Variants in DTNB observed in about 807,000 individuals in gnomAD.
DTNB encodes DTN-B.
DTNB carries 63 observed loss-of-function variants against 90.7 expected under a neutral mutation model. The ratio of observed to expected loss-of-function variants is 0.69; its 90% CI spans 0.57 to 0.86. DTNB has a LOEUF of 0.86. DTNB is among the 40% of genes least tolerant of loss of function. DTNB has a pLI of 0.00. For synonymous variants in DTNB, 277 were observed against 286.7 expected (o/e 0.97, Z 0.34); for missense variants, 744 against 807.1 (o/e 0.92, Z 0.95).
intron 8 of DTNB, among the ~76,000 whole-genome samples, chr2:25,545,615 G>A (rs1464319962): frequency 6.6e-6 from 1 of 152,174 alleles, no homozygotes; most frequent in Non-Finnish European, 1.5e-5. Flanking sequence ...TAGAAATGCT[G>A]CTACTGGGCC....
intron 1 of DTNB, among the ~76,000 whole-genome samples, chr2:25,664,722 TGAG>T (rs2084016215): frequency 1.3e-5 from 2 of 152,154 alleles, no homozygotes; most frequent in South Asian, 4.1e-4. Context: ...GTGCTGAGCT[TGAG>T]GAGATTTTCA....
chr2:25,635,079 G>GA (rs1277851688), intron 3 of DTNB, among the ~76,000 whole-genome samples: 376 of 140,242 alleles, frequency 2.7e-3, no homozygotes, highest in African/African-American at 8.6e-3. Flanking sequence ...AATAAAAAAA[G>GA]AAAAAAAAAA....
chr2:25,543,673 A>G (rs1341277525), intron 8 of DTNB, among the ~76,000 whole-genome samples: 2 of 152,202 alleles, frequency 1.3e-5, no homozygotes, highest in Non-Finnish European at 2.9e-5. Flanking sequence ...TTTACTGATT[A>G]GTAATATATT....
intron 9 of DTNB, among the ~76,000 whole-genome samples, chr2:25,516,442 G>T (rs1003799450): frequency 6.6e-6 from 1 of 151,844 alleles, no homozygotes; most frequent in Non-Finnish European, 1.5e-5. Flanking sequence ...AAGTAGAGAC[G>T]GGGTTTTGCC....
chr2:25,602,118 T>G (rs1217767082), intron 5 of DTNB, among the ~76,000 whole-genome samples: 2 of 151,118 alleles, frequency 1.3e-5, no homozygotes, highest in African/African-American at 4.9e-5. Context: ...CAAGACTCCA[T>G]CTCAAAAGAA....
chr2:25,384,838 G>C (rs1018947640), intron 18 of DTNB, among the ~76,000 whole-genome samples: 1 of 151,960 alleles, frequency 6.6e-6, no homozygotes, highest in Non-Finnish European at 1.5e-5. Flanking sequence ...TGGCGAGTTG[G>C]ATTAAATGAC....
chr2:25,394,446 T>C lies in DTNB; in HGVS notation c.1576-6085A>G, dbSNP rs531091185. 1.8e-4 allele frequency among the ~76,000 whole-genome samples: 28 copies of C among 151,690 alleles called. No homozygotes were observed. In the East Asian group the frequency reaches 5.2e-3, roughly 28 times the overall value. ...ACAGCAAAAGAAATAATCAGCAAAG[T>C]TAACAAACAACCCACAGAGTGGAAG... On this transcript the variant is annotated intron_variant, in intron 16 of 20. Transcript: ENST00000406818.
At chr2:25,487,220 T>C (rs549344027) in intron 9 of DTNB, among the ~76,000 whole-genome samples, 2 of 152,292 alleles carry the variant, frequency 1.3e-5, no homozygotes, top group East Asian at 1.9e-4. Context: ...ATGTAATGAG[T>C]GCAGCAATGA....
rs577478803 is a variant in DTNB, at chr2:25,566,411, T to A, written c.876+10427A>T. Among the ~76,000 whole-genome samples, 4 of 152,320 alleles carry A rather than the reference T, an allele frequency of 2.6e-5. No individual in the cohort carries two copies. In the South Asian group the frequency reaches 8.3e-4, roughly 32 times the overall value. On this transcript the variant is annotated intron_variant, in intron 8 of 20. Coordinates refer to ENST00000406818, the MANE Select transcript of DTNB (RefSeq NM_021907.5). ...ACACCTGGAGTAGACAGCCTGGACT[T>A]CTGACTTACAAAAACGGAGACAATA... is the stretch of plus-strand genomic sequence containing the variant.
At chr2:25,500,419 G>C (rs1272364969) in intron 9 of DTNB, among the ~76,000 whole-genome samples, 2 of 152,144 alleles carry the variant, frequency 1.3e-5, no homozygotes, top group Admixed American at 1.3e-4. Flanking sequence ...AGGCAGCAGC[G>C]CTCCTCATGC....
intron 8 of DTNB, among the ~76,000 whole-genome samples, chr2:25,567,010 G>C (rs189972696): frequency 1.7e-3 from 260 of 152,288 alleles, no homozygotes; most frequent in Non-Finnish European, 2.6e-3. Flanking sequence ...GCAGAGACAG[G>C]GGGCATGGCA....
chr2:25,670,896 C>G (rs2085695915), intron 1 of DTNB, among the ~76,000 whole-genome samples: 1 of 152,202 alleles, frequency 6.6e-6, no homozygotes, highest in Admixed American at 6.5e-5. Context: ...TGCCATCCCA[C>G]TCTGTCCCAC....
At chr2:25,571,359 T>C (rs779774567) in intron 8 of DTNB, among the ~76,000 whole-genome samples, 2 of 152,194 alleles carry the variant, frequency 1.3e-5, no homozygotes, top group Non-Finnish European at 2.9e-5. Flanking sequence ...GTTATTCTTC[T>C]ATTCAAAACC....
intron 9 of DTNB, among the ~76,000 whole-genome samples, chr2:25,525,590 C>T (rs1050679657): frequency 3.3e-4 from 50 of 151,462 alleles, no homozygotes; most frequent in Admixed American, 1.2e-3. Context: ...GAGCCAAGAT[C>T]GCTCCATTGC....
In DTNB at chr2:25,590,707, G is replaced by A. The variant is rs190619818; in HGVS notation, c.603+5379C>T. ...TAGGGCTTTTGTGGGTCTTAAAGGGGAGGAAGCGCATGCTGACAGGTTCAT... is the reference window on the plus strand; with the variant it reads ...TAGGGCTTTTGTGGGTCTTAAAGGGAAGGAAGCGCATGCTGACAGGTTCAT... On this transcript the variant is annotated intron_variant, in intron 6 of 20. Transcript: ENST00000406818. Among the ~76,000 whole-genome samples, 42 of 152,336 alleles carry A rather than the reference G, an allele frequency of 2.8e-4. 1 individual carries two copies. The highest frequency in any genetic ancestry group is 1.0e-4 in the Non-Finnish European group (7 of 68,026).
intron 8 of DTNB, among the ~76,000 whole-genome samples, chr2:25,535,387 C>T (rs968821495): frequency 3.0e-5 from 4 of 132,700 alleles, no homozygotes; most frequent in Admixed American, 7.5e-5. Flanking sequence ...ACGGGGAGGC[C>T]GCGCAGAGGT....
At chr2:25,421,636 G>A (rs927834297) in intron 15 of DTNB, among the ~76,000 whole-genome samples, 12 of 152,228 alleles carry the variant, frequency 7.9e-5, no homozygotes, top group Non-Finnish European at 1.3e-4. Context: ...GATGGTTGGG[G>A]AGGGATGGGG....
chr2:25,564,832 T>C (rs544748129), intron 8 of DTNB, among the ~76,000 whole-genome samples: 6 of 152,356 alleles, frequency 3.9e-5, no homozygotes, highest in South Asian at 4.1e-4. Context: ...ATTGTCAATA[T>C]AGAGAAATAT....
At chr2:25,411,186 C>T (rs544323771) in intron 16 of DTNB, among the ~76,000 whole-genome samples, 4 of 152,018 alleles carry the variant, frequency 2.6e-5, no homozygotes, top group Admixed American at 2.6e-4. Context: ...TGGCAAAACC[C>T]CATCTCTACT....
Sources: gnomAD v4.1 joint callset for allele counts (sites outside exome capture counted in the v4.1 genomes callset) on GRCh38, gnomAD v4.1.1 for gene constraint, MANE v1.5 for transcripts, NCBI Gene and HGNC (gene_info 2026-07-23, HGNC 2026-07-21) for gene names.